The following KCNIP4 variants were observed in gnomAD, a reference collection of about 807,000 sequenced individuals.
KCNIP4 encodes potassium voltage-gated channel interacting protein 4.
Under a neutral mutation model 34.0 loss-of-function variants are expected in KCNIP4, and 12 were observed. The observed-to-expected ratio is 0.35, with a 90% CI of 0.23 to 0.57. The LOEUF is 0.57. Ranked by LOEUF, KCNIP4 falls within the 20% of genes least tolerant of loss-of-function variation. The probability of loss-of-function intolerance (pLI) is 0.83; values close to 1 mark genes in which losing one functional copy is unlikely to be tolerated. For synonymous variants in KCNIP4, 124 were observed against 102.2 expected (o/e 1.21, Z -1.29); for missense variants, 238 against 311.7 (o/e 0.76, Z 1.78).
At chr4:20,927,101 C>G (rs1235717475) in intron 1 of KCNIP4, among the ~76,000 whole-genome samples, 2 of 152,084 alleles carry the variant, frequency 1.3e-5, no homozygotes, top group Admixed American at 1.3e-4. Context: ...TACTTAGCCT[C>G]CGGAGTAGCT....
At chr4:21,307,160 A>G (rs557460228) in intron 1 of KCNIP4, among the ~76,000 whole-genome samples, 2 of 152,256 alleles carry the variant, frequency 1.3e-5, no homozygotes, top group African/African-American at 4.8e-5. Context: ...AGAGCATCAG[A>G]GTGAGAGTCC....
Position 20,869,607 on chromosome 4 carries a change from G to A in KCNIP4, c.163+13001C>T, listed in dbSNP as rs115706035. ...CTTCTTGGGTCTATTTCCCACCTCT[G>A]GCTGGACAATGTGTTTAATGTTTCC... On this transcript the variant is annotated intron_variant, in intron 2 of 8. Coordinates refer to ENST00000382152, the MANE Select transcript of KCNIP4 (RefSeq NM_025221.6). 6.8e-3 allele frequency among the ~76,000 whole-genome samples: 1,037 copies of A among 152,064 alleles called. 11 individuals carry two copies. The highest frequency in any genetic ancestry group is 0.024 in the African/African-American group (992 of 41,516).
At chr4:21,235,061 C>T (rs1240846804) in intron 1 of KCNIP4, among the ~76,000 whole-genome samples, 1 of 152,062 alleles carries the variant, frequency 6.6e-6, no homozygotes, top group Admixed American at 6.6e-5. Context: ...CTTATAACTA[C>T]TATAACATAA....
chr4:21,307,975 C>T (rs970412258), intron 1 of KCNIP4, among the ~76,000 whole-genome samples: 5 of 152,202 alleles, frequency 3.3e-5, no homozygotes, highest in Admixed American at 6.5e-5. Context: ...TGATAAGTAC[C>T]TTGGATAGCA....
chr4:21,072,027 T>A (rs1744987936), intron 1 of KCNIP4, among the ~76,000 whole-genome samples: 1 of 152,256 alleles, frequency 6.6e-6, no homozygotes, highest in Non-Finnish European at 1.5e-5. Flanking sequence ...CACATTTTCT[T>A]AATCCAGTCT....
intron 1 of KCNIP4, among the ~76,000 whole-genome samples, chr4:21,382,124 C>A (rs1012396430): frequency 5.3e-5 from 8 of 152,130 alleles, no homozygotes; most frequent in Non-Finnish European, 7.3e-5. Context: ...GATTTTCCAA[C>A]AGAGATAACA....
chr4:21,081,160 T>G (rs1026455381), intron 1 of KCNIP4, among the ~76,000 whole-genome samples: 5 of 151,882 alleles, frequency 3.3e-5, no homozygotes, highest in African/African-American at 1.2e-4. Context: ...AAAGACCTGA[T>G]TGGAATGAAC....
chr4:20,840,108 C>A (rs970307179), intron 3 of KCNIP4, among the ~76,000 whole-genome samples: 1 of 152,150 alleles, frequency 6.6e-6, no homozygotes, highest in African/African-American at 2.4e-5. Flanking sequence ...CGTCTAATGG[C>A]TTCCTTGCTA....
chr4:21,466,877 A>G (rs551826214), intron 1 of KCNIP4, among the ~76,000 whole-genome samples: 72 of 152,122 alleles, frequency 4.7e-4, no homozygotes, highest in Admixed American at 1.4e-3. Flanking sequence ...AAGCAAATCT[A>G]TCTAATCCTG....
At chr4:21,093,154 A>G (rs1404110609) in intron 1 of KCNIP4, among the ~76,000 whole-genome samples, 2 of 152,196 alleles carry the variant, frequency 1.3e-5, no homozygotes, top group Admixed American at 1.3e-4. Flanking sequence ...TTGAGCAGGC[A>G]ACATTGTTTA....
At chr4:20,805,358 G>A (rs1714947490) in intron 3 of KCNIP4, among the ~76,000 whole-genome samples, 1 of 151,844 alleles carries the variant, frequency 6.6e-6, no homozygotes, top group African/African-American at 2.4e-5. Context: ...TAAAGTTGCT[G>A]TTCCCTTTAA....
chr4:21,489,300 TCAG>T (rs1392307651), intron 1 of KCNIP4, among the ~76,000 whole-genome samples: 3 of 130,864 alleles, frequency 2.3e-5, no homozygotes, highest in African/African-American at 8.8e-5. Context: ...ACATAAACAC[TCAG>T]TTTATGAACA....
chr4:21,656,551 G>A (rs1380652748), intron 1 of KCNIP4: 2 of 152,138 alleles, frequency 1.3e-5, no homozygotes, highest in Non-Finnish European at 2.9e-5. Context: ...TTTGAAAGTG[G>A]TGACAGGCAA....
intron 1 of KCNIP4, among the ~76,000 whole-genome samples, chr4:21,282,082 T>G (rs1031563614): frequency 6.6e-6 from 1 of 152,234 alleles, no homozygotes; most frequent in African/African-American, 2.4e-5. Flanking sequence ...AAATGTGTTT[T>G]GAAAAATATC....
At position 21,143,869 on chromosome 4, in the gene KCNIP4, G is replaced by GT. The variant is rs61492179; in HGVS notation, c.62-261161dup. Among the ~76,000 whole-genome samples the GT allele has an allele frequency of 1.2e-3, 175 of 148,516 alleles. No homozygotes were observed. In the Middle Eastern group the frequency reaches 0.014, roughly 12 times the overall value. On this transcript the variant is annotated intron_variant, in intron 1 of 8. Transcript: ENST00000382152. ...AGGCACCCACCACCATGCCCAGCTA[G>GT]TTTTTTTTTTTTGTATTTTTAGTAG...
chr4:21,031,906 G>T (rs1741057621), intron 1 of KCNIP4, among the ~76,000 whole-genome samples: 1 of 152,124 alleles, frequency 6.6e-6, no homozygotes, highest in Non-Finnish European at 1.5e-5. Context: ...GAGCTGTAAG[G>T]TATCTGTTGT....
At chr4:21,718,867 A>T (rs1185824136) in intron 1 of KCNIP4, 1 of 152,208 alleles carries the variant, frequency 6.6e-6, no homozygotes, top group African/African-American at 2.4e-5. Context: ...CCCTTCACGG[A>T]TCCTCAAGTT....
At chr4:21,946,108 T>A (rs1323551771) in intron 1 of KCNIP4, among the ~76,000 whole-genome samples, 3 of 151,602 alleles carry the variant, frequency 2.0e-5, no homozygotes, top group African/African-American at 7.3e-5. Flanking sequence ...CTCTGTTCTG[T>A]CATTTCCAAC....
intron 1 of KCNIP4, among the ~76,000 whole-genome samples, chr4:21,813,326 T>C (rs745604545): frequency 3.9e-5 from 6 of 152,270 alleles, no homozygotes; most frequent in Non-Finnish European, 5.9e-5. Flanking sequence ...CAAGAACAAA[T>C]AGTATTAACA....
Sources: gnomAD v4.1 joint callset for allele counts (sites outside exome capture counted in the v4.1 genomes callset) on GRCh38, gnomAD v4.1.1 for gene constraint, MANE v1.5 for transcripts, NCBI Gene and HGNC (gene_info 2026-07-23, HGNC 2026-07-21) for gene names.